Variants in THSD7B observed in about 807,000 individuals in gnomAD.
THSD7B encodes the protein thrombospondin type 1 domain containing 7B.
THSD7B carries 138 observed loss-of-function variants against 213.6 expected under a neutral mutation model. That is an observed-to-expected ratio of 0.65 (90% CI 0.56 to 0.74). The LOEUF (loss-of-function observed/expected upper bound fraction) is 0.74. Among genes scored for constraint, THSD7B ranks in the 30% least tolerant of loss-of-function variants. The pLI, the probability that THSD7B is intolerant of heterozygous loss-of-function variation, is 0.00. For synonymous variants in THSD7B, 742 were observed against 687.0 expected (o/e 1.08, Z -1.25); for missense variants, 1,931 against 1,991.5 (o/e 0.97, Z 0.58).
intron 12 of THSD7B, among the ~76,000 whole-genome samples, chr2:137,316,383 A>C (rs1391775658): frequency 6.6e-6 from 1 of 152,258 alleles, no homozygotes; most frequent in Non-Finnish European, 1.5e-5. Flanking sequence ...TTCCCTGATG[A>C]GTTCCCCTCC....
intron 24 of THSD7B, among the ~76,000 whole-genome samples, chr2:137,658,367 C>T (rs1683278293): frequency 6.6e-6 from 1 of 152,202 alleles, no homozygotes; most frequent in Non-Finnish European, 1.5e-5. Flanking sequence ...CGGAATTCCT[C>T]AGGCACAGTG....
chr2:137,354,788 A>G (rs532610443), intron 12 of THSD7B, among the ~76,000 whole-genome samples: 2 of 151,810 alleles, frequency 1.3e-5, no homozygotes, highest in African/African-American at 4.8e-5. Flanking sequence ...TCCTATTTCC[A>G]TTGAAGTTTG....
chr2:136,854,396 T>C (rs950229758), intron 1 of THSD7B, among the ~76,000 whole-genome samples: 3 of 152,124 alleles, frequency 2.0e-5, no homozygotes, highest in Admixed American at 6.6e-5. Context: ...ATGGCTCTTA[T>C]TATCTTTCAT....
At chr2:136,819,566 C>T (rs1190356472) in intron 1 of THSD7B, among the ~76,000 whole-genome samples, 1 of 152,158 alleles carries the variant, frequency 6.6e-6, no homozygotes, top group East Asian at 1.9e-4. Flanking sequence ...GGCACTCACT[C>T]TCCCTGGGAA....
chr2:137,395,441 C>A (rs370003929), intron 12 of THSD7B, among the ~76,000 whole-genome samples: 1 of 149,644 alleles, frequency 6.7e-6, no homozygotes, highest in South Asian at 2.2e-4. Context: ...TTGTCTTTGG[C>A]TCTGTTTATA....
chr2:137,160,641 C>G (rs1275016665), intron 6 of THSD7B, among the ~76,000 whole-genome samples: 2 of 151,894 alleles, frequency 1.3e-5, no homozygotes, highest in African/African-American at 4.8e-5. Context: ...TTTTGTTTTC[C>G]AAGATGAGGT....
chr2:137,041,991 A>G (rs1686890783), intron 2 of THSD7B, among the ~76,000 whole-genome samples: 2 of 152,192 alleles, frequency 1.3e-5, no homozygotes, highest in Non-Finnish European at 2.9e-5. Flanking sequence ...ATTGTTCTGA[A>G]TTAGTTTGTG....
intron 2 of THSD7B, among the ~76,000 whole-genome samples, chr2:136,958,277 A>G (rs1685158352): frequency 6.6e-6 from 1 of 152,234 alleles, no homozygotes; most frequent in Admixed American, 6.5e-5. Context: ...AATAATCTTC[A>G]GCCTGCATGA....
chr2:136,935,924 A>T (rs1279596778), intron 2 of THSD7B, among the ~76,000 whole-genome samples: 2 of 148,054 alleles, frequency 1.4e-5, no homozygotes, highest in African/African-American at 4.9e-5. Context: ...ATATAATCTT[A>T]TATAATTATA....
intron 15 of THSD7B, among the ~76,000 whole-genome samples, chr2:137,558,366 T>C (rs1198144534): frequency 6.6e-6 from 1 of 152,164 alleles, no homozygotes; most frequent in East Asian, 1.9e-4. Context: ...TTATCCACCA[T>C]GATCAATTGG....
chr2:137,362,213 T>A (rs1295309824), intron 12 of THSD7B, among the ~76,000 whole-genome samples: 1 of 152,176 alleles, frequency 6.6e-6, no homozygotes, highest in Non-Finnish European at 1.5e-5. Context: ...AGGCCTGCCT[T>A]ACGAGAACTC....
At chr2:137,566,873 AG>A (rs1475458291) in intron 16 of THSD7B, among the ~76,000 whole-genome samples, 1 of 152,210 alleles carries the variant, frequency 6.6e-6, no homozygotes, top group African/African-American at 2.4e-5. Flanking sequence ...AGTTATCAGG[AG>A]TATTATTTTG....
intron 2 of THSD7B, among the ~76,000 whole-genome samples, chr2:136,903,124 T>C (rs1397403010): frequency 4.6e-5 from 7 of 151,878 alleles, no homozygotes; most frequent in Admixed American, 3.9e-4. Flanking sequence ...CCAGATTATA[T>C]AGAATAAGGT....
chr2:137,042,762 A>G (rs548062073), intron 2 of THSD7B, among the ~76,000 whole-genome samples: 24 of 152,310 alleles, frequency 1.6e-4, no homozygotes, highest in Admixed American at 9.2e-4. Context: ...TTTTCTTTTC[A>G]ATAGCCTGAG....
intron 12 of THSD7B, among the ~76,000 whole-genome samples, chr2:137,331,349 G>A (rs1006767624): frequency 1.3e-5 from 2 of 151,188 alleles, no homozygotes; most frequent in African/African-American, 2.4e-5. Flanking sequence ...AGACATAAAC[G>A]TTCTCCAAGG....
chr2:137,395,180 C>A (rs1686145374), intron 12 of THSD7B, among the ~76,000 whole-genome samples: 1 of 145,416 alleles, frequency 6.9e-6, no homozygotes, highest in South Asian at 2.3e-4. Flanking sequence ...ATTGCCCTGG[C>A]TAGAACTTCC....
intron 2 of THSD7B, among the ~76,000 whole-genome samples, chr2:136,986,939 T>C (rs1030622): frequency 0.11 from 17,277 of 152,238 alleles, 1,126 homozygotes; most frequent in African/African-American, 0.17. Context: ...CGGGAATAAC[T>C]TGGTGCCGTC....
At chr2:137,553,987 T>A (rs778930650) in intron 15 of THSD7B, among the ~76,000 whole-genome samples, 10 of 151,742 alleles carry the variant, frequency 6.6e-5, no homozygotes, top group Non-Finnish European at 1.5e-4. Flanking sequence ...GGACAAAAGC[T>A]TTAAGGAGAC....
chr2:137,085,013 G>A (rs1687812756), intron 3 of THSD7B, among the ~76,000 whole-genome samples: 1 of 152,154 alleles, frequency 6.6e-6, no homozygotes, highest in Non-Finnish European at 1.5e-5. Flanking sequence ...CAGGGTAAAA[G>A]TAAAAGTCTA....
Sources: gnomAD v4.1 joint callset for allele counts (sites outside exome capture counted in the v4.1 genomes callset) on GRCh38, gnomAD v4.1.1 for gene constraint, MANE v1.5 for transcripts, NCBI Gene and HGNC (gene_info 2026-07-23, HGNC 2026-07-21) for gene names.